SVEP1: variants seen among roughly 807,000 people sequenced by gnomAD.
The protein encoded by SVEP1 is sushi, von Willebrand factor type A, EGF and pentraxin domain containing 1, also known as sushi, von Willebrand factor type A, EGF and pentraxin domain-containing protein 1.
SVEP1 carries 164 observed loss-of-function variants against 367.3 expected under a neutral mutation model. The ratio of observed to expected loss-of-function variants is 0.45; its 90% CI spans 0.39 to 0.51. SVEP1 has a LOEUF of 0.51. Ranked by LOEUF, SVEP1 falls within the 20% of genes least tolerant of loss-of-function variation. The probability of loss-of-function intolerance (pLI) is 0.00; values close to 1 mark genes in which losing one functional copy is unlikely to be tolerated. For missense variants in SVEP1, 4,117 were observed against 4,425.3 expected (o/e 0.93, Z 1.98); for synonymous variants, 1,666 against 1,611.6 (o/e 1.03, Z -0.81).
chr9:110,492,433 A>G (rs1180574073), intron 8 of SVEP1, among the ~76,000 whole-genome samples: 1 of 151,868 alleles, frequency 6.6e-6, no homozygotes, highest in Non-Finnish European at 1.5e-5. Context: ...GCGAAATGCA[A>G]TAGATACTCT....
intron 2 of SVEP1, among the ~76,000 whole-genome samples, chr9:110,548,073 A>G (rs77973390): frequency 0.016 from 2,501 of 152,308 alleles, 30 homozygotes; most frequent in Non-Finnish European, 0.025. Context: ...TCATAATTTC[A>G]TAATCCCATC....
At chr9:110,439,325 A>C (rs1008613697) in intron 27 of SVEP1, among the ~76,000 whole-genome samples, 3 of 152,312 alleles carry the variant, frequency 2.0e-5, no homozygotes, top group Admixed American at 1.3e-4. Context: ...ACCAGGAACC[A>C]ACCATACTGC....
chr9:110,395,733 A>G (rs1247542489), intron 40 of SVEP1, among the ~76,000 whole-genome samples: 2 of 151,356 alleles, frequency 1.3e-5, no homozygotes, highest in Admixed American at 6.6e-5. Context: ...CTTTAAACCA[A>G]CAAAGATCAA....
Position 110,514,259 on chromosome 9 carries a change from C to T in SVEP1, c.965-153G>A, listed in dbSNP as rs535525748. ...GGGTGTGGTGGCTCACGCCTGTAAT[C>T]CCTGTACTTTGGGAAGCAGAGGCGG... is the stretch of plus-strand genomic sequence containing the variant. On this transcript the variant is annotated intron_variant, in intron 3 of 47. Transcript: ENST00000374469. The T allele has an allele frequency of 2.0e-5, 20 of 978,556 alleles. No homozygotes were observed. The African/African-American group carries it at 3.0e-4, about 15-fold the overall frequency. The allele number at this position is 978,556 out of a possible 1,614,324, so 60.6% of individuals were successfully genotyped here.
At chr9:110,366,657 AG>A (rs903471493) in intron 47 of SVEP1, 97 bp from the exon 48 acceptor site, 3 of 1,237,130 alleles carry the variant, frequency 2.4e-6, no homozygotes, top group African/African-American at 3.1e-5. Flanking sequence ...CAGGATTGAA[AG>A]TCCCAGATAC....
At chr9:110,544,135 GAGAAGGAAAGA>G (rs1830188468) in intron 3 of SVEP1, among the ~76,000 whole-genome samples, 1 of 152,060 alleles carries the variant, frequency 6.6e-6, no homozygotes, top group Non-Finnish European at 1.5e-5. Flanking sequence ...AATGTCCCAA[GAGAAGGAAAGA>G]AGAAGGAAAA....
intron 1 of SVEP1, among the ~76,000 whole-genome samples, chr9:110,559,779 CAAT>C (rs1359482239): frequency 6.6e-6 from 1 of 151,736 alleles, no homozygotes; most frequent in Non-Finnish European, 1.5e-5. Flanking sequence ...GAATAATTTG[CAAT>C]AATAAAAAAT....
intron 22 of SVEP1, among the ~76,000 whole-genome samples, chr9:110,453,242 G>A (rs1828722947): frequency 6.6e-6 from 1 of 152,018 alleles, no homozygotes; most frequent in Admixed American, 6.6e-5. Context: ...AATGCTGGAT[G>A]ATTTAGATGA....
At chr9:110,511,488 CTT>C (rs199993986) in intron 5 of SVEP1, among the ~76,000 whole-genome samples, 1 of 77,548 alleles carries the variant, frequency 1.3e-5, no homozygotes, top group African/African-American at 4.5e-5. Flanking sequence ...GTGTCAGTAC[CTT>C]TTTTTTTTTT....
intron 14 of SVEP1, among the ~76,000 whole-genome samples, chr9:110,474,293 C>A (rs1829067270): frequency 6.6e-6 from 1 of 152,152 alleles, no homozygotes; most frequent in African/African-American, 2.4e-5. Context: ...AGCCATCTTG[C>A]CTGGCCTAGT....
At chr9:110,374,491 AAT>A (rs1270497031) in intron 46 of SVEP1, among the ~76,000 whole-genome samples, 1 of 152,174 alleles carries the variant, frequency 6.6e-6, no homozygotes, top group African/African-American at 2.4e-5. Flanking sequence ...CTCTACTAAA[AAT>A]AGAAAAATTA....
At position 110,387,386 on chromosome 9, in the gene SVEP1, T is replaced by G; in HGVS notation, c.9959A>C (p.Asn3320Thr). Residue 3320 changes from asparagine to threonine, a missense_variant, in exon 42 of 48, where the codon AAC becomes ACC. By Grantham distance (65) the Asn-to-Thr change is moderately conservative. Around this residue, in one of 4 missense-constraint regions of SVEP1, gnomAD observed 1,765 missense variants for 1,781.1 expected, o/e 0.99. Coordinates refer to ENST00000374469, the MANE Select transcript of SVEP1 (RefSeq NM_153366.4). ...GCCTCTGTTGCAGGAATATACCACG[T>G]TGGGTCCAGTCGTCCTGTTTTCAAT... ...ADIENRTTGP[N>T]VVYSCNRGYS... 2.5e-6 allele frequency: 4 copies of G among 1,613,698 alleles called. No individual in the cohort carries two copies. Among genetic ancestry groups the G allele is most frequent in the Non-Finnish European group, 3.4e-6 (4 of 1,179,814 alleles).
chr9:110,489,194 G>C (rs1425576887), intron 9 of SVEP1, among the ~76,000 whole-genome samples: 1 of 152,168 alleles, frequency 6.6e-6, no homozygotes, highest in African/African-American at 2.4e-5. Flanking sequence ...TCAGTGACAA[G>C]GGAGTTGTTG....
At chr9:110,476,113 G>T (rs1372494162) in intron 14 of SVEP1, 91 bp downstream of exon 14, 3 of 742,674 alleles carry the variant, frequency 4.0e-6, no homozygotes, top group South Asian at 1.7e-5. Context: ...ATTAATAGAA[G>T]TTAATGTTTC....
intron 40 of SVEP1, among the ~76,000 whole-genome samples, chr9:110,392,153 A>ATATATATATATATATATC (rs1564128252): frequency 4.1e-5 from 6 of 147,810 alleles, no homozygotes; most frequent in East Asian, 4.0e-4. Context: ...ATATATATAT[A>ATATATATATATATATATC]TCTCTTCTCT....
intron 5 of SVEP1, among the ~76,000 whole-genome samples, chr9:110,509,266 T>C (rs1371585640): frequency 6.6e-6 from 1 of 152,262 alleles, no homozygotes; most frequent in East Asian, 1.9e-4. Flanking sequence ...TAGTGAAATA[T>C]GGCATGTGTT....
intron 3 of SVEP1, among the ~76,000 whole-genome samples, chr9:110,536,191 C>T (rs1358386175): frequency 6.6e-6 from 1 of 152,048 alleles, no homozygotes; most frequent in Non-Finnish European, 1.5e-5. Context: ...AAAGCCATTT[C>T]TGCATCTATT....
At chr9:110,571,933 C>T (rs13440058) in intron 1 of SVEP1, among the ~76,000 whole-genome samples, 14,211 of 152,260 alleles carry the variant, frequency 0.093, 1,144 homozygotes, top group African/African-American at 0.21. Flanking sequence ...TATACACACA[C>T]ATACACACAC....
rs1418257397 is a variant in SVEP1 at position 110,408,826 on chromosome 9, C to G, written c.6774G>C (p.Met2258Ile). The change falls in exon 38 of 48, where the codon ATG becomes ATC. Residue 2258 changes from methionine (M) to isoleucine (I), a missense_variant. Transcript: ENST00000374469. ...NRHWHSESPLMCVPLDCGKPP... is the reference protein window; with the variant it reads ...NRHWHSESPLICVPLDCGKPP... The stretch of plus-strand genomic sequence containing the variant: ...GTTTTCCACAGTCGAGAGGAACACA[C>G]ATCAGAGGGGATTCACTGTGCCAGT... The G allele has an allele frequency of 2.5e-6, 4 of 1,613,236 alleles. No homozygotes were observed. Among genetic ancestry groups the G allele is most frequent in the Non-Finnish European group, 3.4e-6 (4 of 1,179,888 alleles).
Sources: allele counts gnomAD v4.1 joint callset (sites outside exome capture counted in the v4.1 genomes callset), GRCh38; gene constraint gnomAD v4.1.1; regional missense constraint gnomAD v4.1.1; transcripts MANE v1.5; gene names NCBI Gene and HGNC (gene_info 2026-07-23, HGNC 2026-07-21).